The following MYO6 variants were observed in gnomAD, a reference collection of about 807,000 sequenced individuals.
The protein encoded by MYO6 is myosin VI, also known as unconventional myosin-VI.
A neutral mutation model predicts 178.7 loss-of-function variants in MYO6; 74 were observed. The observed-to-expected ratio is 0.41, with a 90% CI of 0.34 to 0.50. The LOEUF (loss-of-function observed/expected upper bound fraction) is 0.50. MYO6 is among the 20% of genes least tolerant of loss of function. MYO6 has a pLI of 0.09. For synonymous variants in MYO6, 477 were observed against 504.6 expected (o/e 0.95, Z 0.73); for missense variants, 1,330 against 1,547.4 (o/e 0.86, Z 2.36).
intron 1 of MYO6, among the ~76,000 whole-genome samples, chr6:75,796,954 ATG>A (rs1296051739): frequency 6.6e-6 from 1 of 152,042 alleles, no homozygotes; most frequent in Non-Finnish European, 1.5e-5. Flanking sequence ...TCCATGGTGT[ATG>A]TGTACTATAT....
rs1191396860 is a variant in MYO6, at chr6:75,832,860, A to T, written c.410A>T (p.Asp137Val). ...ACCCTAGCTGATAAAGCTTTTCGAG[A>T]CATGAAGGTGCTCAAGATGAGTCAG... Reference protein sequence around the residue: ...VFAIADKAFRDMKVLKMSQSI... With the variant: ...VFAIADKAFRVMKVLKMSQSI... The change falls in exon 6 of 35, where the codon GAC becomes GTC. Residue 137 changes from aspartate to valine, a missense_variant. Physicochemically the swap from Asp to Val is radical, Grantham distance 152. Transcript: ENST00000369977. The T allele has an allele frequency of 1.2e-6, 2 of 1,613,428 alleles. No homozygotes were observed. Among genetic ancestry groups the T allele is most frequent in the East Asian group, 4.5e-5 (2 of 44,884 alleles).
chr6:75,779,113 G>C (rs1402301015), intron 1 of MYO6, among the ~76,000 whole-genome samples: 10 of 150,244 alleles, frequency 6.7e-5, no homozygotes, highest in Admixed American at 6.6e-4. Context: ...TGTTCAGTCT[G>C]GTCTCCAGCT....
intron 3 of MYO6, among the ~76,000 whole-genome samples, chr6:75,827,544 T>C (rs1486766914): frequency 2.0e-5 from 3 of 152,158 alleles, no homozygotes; most frequent in African/African-American, 7.2e-5. Flanking sequence ...TCTACTTTAG[T>C]TAATGTGCTG....
Position 75,855,197 on chromosome 6 carries a change from G to A in MYO6, c.1137G>A (p.Leu379=), listed in dbSNP as rs761833888. The A allele has an allele frequency of 3.7e-6, 6 of 1,613,304 alleles. No individual in the cohort carries two copies. The highest frequency in any genetic ancestry group is 1.7e-6 in the Non-Finnish European group (2 of 1,179,444). The change falls in exon 12 of 35, where the codon CTG becomes CTA. Residue 379 remains leucine, a synonymous_variant. Transcript: ENST00000369977. The part of the protein sequence containing the change: ...AQSLEYCAEL[L]GLDQDDLRVS... ...CTTTGGAATATTGTGCTGAATTACT[G>A]GGTTTGGACCAAGATGATCTTCGAG...
chr6:75,904,640 T>C (rs1400489806), intron 30 of MYO6, among the ~76,000 whole-genome samples: 2 of 152,222 alleles, frequency 1.3e-5, no homozygotes, highest in African/African-American at 4.8e-5. Context: ...TAAATTTTTT[T>C]CAAAGTTTTC....
chr6:75,754,866 A>G (rs1777216253), intron 1 of MYO6, among the ~76,000 whole-genome samples: 1 of 152,202 alleles, frequency 6.6e-6, no homozygotes, highest in African/African-American at 2.4e-5. Flanking sequence ...TTGGTCCTTA[A>G]AACAACTTGA....
rs1777822080 is a variant in MYO6, at chr6:75,760,144, G to A, written c.-48+10721G>A. ...GAAGCAAGACTATTGGGAAATAGTT[G>A]TTCGTCCTTCCCAAGTCCTTTTGAG... On this transcript the variant is annotated intron_variant, in intron 1 of 34. Coordinates refer to ENST00000369977, the MANE Select transcript of MYO6 (RefSeq NM_004999.4). Among the ~76,000 whole-genome samples the A allele has an allele frequency of 2.0e-5, 3 of 152,158 alleles. No individual in the cohort carries two copies. In the South Asian group the frequency reaches 6.2e-4, roughly 32 times the overall value.
Position 75,840,224 on chromosome 6 carries a change from C to G in MYO6, c.554-361C>G, listed in dbSNP as rs553759974. 8.9e-5 allele frequency among the ~76,000 whole-genome samples: 13 copies of G among 145,884 alleles called. No individual in the cohort carries two copies. The East Asian group carries it at 2.6e-3, about 29-fold the overall frequency. ...TCGCCCAGGCTGGAGTGTAATGGTG[C>G]GACCTCGGCTCATCGCAACCTCCGC... On this transcript the variant is annotated intron_variant, in intron 7 of 34. Transcript: ENST00000369977.
At chr6:75,855,359 T>C (rs1269109594) in intron 12 of MYO6, 76 bp downstream of exon 12, 3 of 1,454,626 alleles carry the variant, frequency 2.1e-6, no homozygotes, top group Non-Finnish European at 2.9e-6. Context: ...TTACATTCTG[T>C]TTAAAACCTG....
chr6:75,856,028 C>T (rs1282944124), intron 12 of MYO6, among the ~76,000 whole-genome samples: 1 of 152,170 alleles, frequency 6.6e-6, no homozygotes, highest in Non-Finnish European at 1.5e-5. Flanking sequence ...TTGGCTATCT[C>T]TTATTCTTTT....
intron 34 of MYO6, among the ~76,000 whole-genome samples, chr6:75,914,526 G>A (rs1691581281): frequency 6.6e-6 from 1 of 152,012 alleles, no homozygotes; most frequent in South Asian, 2.1e-4. Flanking sequence ...TTCCATTTGT[G>A]TTTCATCATA....
intron 13 of MYO6, 65 bp downstream of exon 13, chr6:75,857,319 C>G: frequency 6.6e-7 from 1 of 1,507,290 alleles, no homozygotes; most frequent in Non-Finnish European, 9.2e-7. Context: ...AGAATTTGTT[C>G]TTAAATCTTT....
chr6:75,892,797 G>A (rs1779006460), intron 28 of MYO6, 107 bp downstream of exon 28: 2 of 1,164,026 alleles, frequency 1.7e-6, no homozygotes. Flanking sequence ...TATTCTGAAG[G>A]CCCTGATATA....
chr6:75,855,209 A>G lies in MYO6; in HGVS notation c.1149A>G (p.Gln383=). Residue 383 remains glutamine, a synonymous_variant, in exon 12 of 35, where the codon CAA becomes CAG. Transcript: ENST00000369977. The part of the protein sequence containing the change: ...EYCAELLGLD[Q]DDLRVSLTTR... ...GTGCTGAATTACTGGGTTTGGACCA[A>G]GATGATCTTCGAGTAAGTTTGACCA... The G allele has an allele frequency of 6.2e-7, 1 of 1,613,692 alleles. No individual in the cohort carries two copies. Among genetic ancestry groups the G allele is most frequent in the Non-Finnish European group, 8.5e-7 (1 of 1,179,704 alleles).
intron 7 of MYO6, among the ~76,000 whole-genome samples, chr6:75,839,780 G>A (rs1365499870): frequency 9.2e-5 from 14 of 151,976 alleles, no homozygotes; most frequent in African/African-American, 3.1e-4. Context: ...CTCTTAATTT[G>A]TTAAATTTCA....
Position 75,914,803 on chromosome 6 carries a change from A to G in MYO6, c.3659-10A>G, listed in dbSNP as rs765929647. 6.8e-6 allele frequency: 11 copies of G among 1,613,734 alleles called. No individual in the cohort carries two copies. Among genetic ancestry groups the G allele is most frequent in the Admixed American group, 3.3e-5 (2 of 60,008 alleles). Reference sequence around the variant, plus strand: ...AGAGATGGTAATTTTCTGATATCTCATGAATACAGGTAAGGACGACATGGA... The same window carrying G: ...AGAGATGGTAATTTTCTGATATCTCGTGAATACAGGTAAGGACGACATGGA... On this transcript the variant is annotated splice_polypyrimidine_tract_variant and intron_variant, in intron 34 of 34. Coordinates refer to ENST00000369977, the MANE Select transcript of MYO6 (RefSeq NM_004999.4).
At chr6:75,909,134 C>T (rs1207781301) in intron 32 of MYO6, among the ~76,000 whole-genome samples, 2 of 152,226 alleles carry the variant, frequency 1.3e-5, no homozygotes, top group African/African-American at 2.4e-5. Flanking sequence ...AAGCAATCCT[C>T]CTGCCTTGGC....
chr6:75,864,479 A>G (rs1252054074), intron 16 of MYO6, among the ~76,000 whole-genome samples: 1 of 152,230 alleles, frequency 6.6e-6, no homozygotes, highest in Admixed American at 6.5e-5. Context: ...TGTATCCTCA[A>G]CAAAACTTCT....
At chr6:75,800,935 G>T (rs1769388612) in intron 1 of MYO6, among the ~76,000 whole-genome samples, 1 of 152,132 alleles carries the variant, frequency 6.6e-6, no homozygotes. Context: ...TGGCCAGGCT[G>T]GTCTTGAACT....
Sources: gnomAD v4.1 joint callset for allele counts (sites outside exome capture counted in the v4.1 genomes callset) on GRCh38, gnomAD v4.1.1 for gene constraint, MANE v1.5 for transcripts, NCBI Gene and HGNC (gene_info 2026-07-23, HGNC 2026-07-21) for gene names.